The following CDH12 variants were observed in gnomAD, a reference collection of about 807,000 sequenced individuals.
CDH12 encodes cadherin 12.
Under a neutral mutation model 74.1 loss-of-function variants are expected in CDH12, and 41 were observed. The observed-to-expected ratio is 0.55, with a 90% CI of 0.43 to 0.72. The LOEUF (loss-of-function observed/expected upper bound fraction) is 0.72, where lower values mean the gene tolerates loss of function less well. CDH12 is among the 30% of genes least tolerant of loss of function. CDH12 has a pLI of 0.00. For missense variants in CDH12, 945 were observed against 977.2 expected (o/e 0.97, Z 0.44); for synonymous variants, 399 against 355.0 (o/e 1.12, Z -1.39).
intron 1 of CDH12, among the ~76,000 whole-genome samples, chr5:22,585,014 C>T (rs1053498620): frequency 6.6e-6 from 1 of 152,188 alleles, no homozygotes; most frequent in African/African-American, 2.4e-5. Flanking sequence ...AGTTCAGTTA[C>T]ATTTATCACT....
intron 1 of CDH12, among the ~76,000 whole-genome samples, chr5:22,730,488 A>G (rs1426884516): frequency 6.6e-6 from 1 of 151,872 alleles, no homozygotes; most frequent in African/African-American, 2.4e-5. Context: ...AGCAGATATC[A>G]TTGCAGCTTT....
intron 2 of CDH12, among the ~76,000 whole-genome samples, chr5:22,405,844 G>T (rs1742916734): frequency 6.6e-6 from 1 of 152,076 alleles, no homozygotes; most frequent in African/African-American, 2.4e-5. Flanking sequence ...AGATGTTCAA[G>T]TTCCTAATAT....
chr5:22,335,702 T>C (rs1416318734), intron 3 of CDH12, among the ~76,000 whole-genome samples: 4 of 152,182 alleles, frequency 2.6e-5, no homozygotes, highest in Non-Finnish European at 5.9e-5. Context: ...ACCATGTTTG[T>C]GAGGCCTCCC....
intron 8 of CDH12, among the ~76,000 whole-genome samples, chr5:21,838,376 G>A (rs1561230268): frequency 6.6e-6 from 1 of 151,968 alleles, no homozygotes; most frequent in Non-Finnish European, 1.5e-5. Flanking sequence ...CCTGACCAAC[G>A]TGGTGAAACC....
chr5:22,597,150 A>C (rs1216272791), intron 1 of CDH12, among the ~76,000 whole-genome samples: 1 of 152,138 alleles, frequency 6.6e-6, no homozygotes, highest in Non-Finnish European at 1.5e-5. Flanking sequence ...AAAAACTTAC[A>C]TATCCAGCAA....
chr5:21,994,153 C>G (rs188634155), intron 5 of CDH12, among the ~76,000 whole-genome samples: 1,615 of 151,534 alleles, frequency 0.011, 17 homozygotes, highest in Non-Finnish European at 0.018. Context: ...TTAGGTCTGG[C>G]CAATAATCAT....
chr5:22,389,621 C>G (rs1185995987), intron 3 of CDH12, among the ~76,000 whole-genome samples: 6 of 150,904 alleles, frequency 4.0e-5, no homozygotes, highest in Admixed American at 6.6e-5. Flanking sequence ...AGAATACAGA[C>G]ATACATTTTA....
chr5:22,705,889 C>T (rs1742983066), intron 1 of CDH12, among the ~76,000 whole-genome samples: 1 of 151,250 alleles, frequency 6.6e-6, no homozygotes, highest in Non-Finnish European at 1.5e-5. Flanking sequence ...TATACAAATG[C>T]TATATATATA....
At chr5:22,023,416 T>G (rs1262897659) in intron 5 of CDH12, among the ~76,000 whole-genome samples, 1 of 152,188 alleles carries the variant, frequency 6.6e-6, no homozygotes, top group South Asian at 2.1e-4. Context: ...GCAAACATGT[T>G]GCTCATTTTT....
At chr5:22,342,450 T>G (rs1483611386) in intron 3 of CDH12, among the ~76,000 whole-genome samples, 1 of 152,062 alleles carries the variant, frequency 6.6e-6, no homozygotes, top group Non-Finnish European at 1.5e-5. Context: ...TTCAGCAAAG[T>G]CTATTACCAT....
At chr5:22,338,822 C>G (rs1739712975) in intron 3 of CDH12, among the ~76,000 whole-genome samples, 1 of 152,180 alleles carries the variant, frequency 6.6e-6, no homozygotes, top group African/African-American at 2.4e-5. Flanking sequence ...TGGAAATTAA[C>G]TTGTTGGCTT....
At chr5:22,261,177 G>A (rs932741530) in intron 3 of CDH12, among the ~76,000 whole-genome samples, 1 of 151,334 alleles carries the variant, frequency 6.6e-6, no homozygotes, top group South Asian at 2.1e-4. Context: ...ACATTCTACA[G>A]AAATTTTTTT....
Position 22,116,590 on chromosome 5 carries a change from G to A in CDH12, c.-186-37728C>T, listed in dbSNP as rs372916920. 2.6e-5 allele frequency among the ~76,000 whole-genome samples: 4 copies of A among 151,250 alleles called. No homozygotes were observed. In the East Asian group the frequency reaches 7.8e-4, roughly 30 times the overall value. ...AATGCACTCCAGCCTGGGTGACAGA[G>A]CAAGACTCTGTTTCAAAGAAAAAAA... On this transcript the variant is annotated intron_variant, in intron 4 of 14. Transcript: ENST00000382254.
intron 6 of CDH12, among the ~76,000 whole-genome samples, chr5:21,925,120 G>A (rs180862608): frequency 6.6e-6 from 1 of 152,188 alleles, no homozygotes; most frequent in Non-Finnish European, 1.5e-5. Context: ...GCAAAGATGG[G>A]AAGATCAAAT....
chr5:22,102,976 G>T (rs1744234172), intron 4 of CDH12, among the ~76,000 whole-genome samples: 1 of 150,888 alleles, frequency 6.6e-6, no homozygotes, highest in Non-Finnish European at 1.5e-5. Context: ...GAACAGGCAC[G>T]CATCTACACT....
intron 3 of CDH12, among the ~76,000 whole-genome samples, chr5:22,216,493 G>C (rs951471059): frequency 4.0e-5 from 6 of 151,888 alleles, no homozygotes; most frequent in Admixed American, 1.3e-4. Context: ...AACAGACCTT[G>C]AAAAATTACT....
At chr5:22,030,346 G>A (rs189849200) in intron 5 of CDH12, among the ~76,000 whole-genome samples, 82 of 152,280 alleles carry the variant, frequency 5.4e-4, no homozygotes, top group African/African-American at 1.9e-3. Flanking sequence ...TGCATGGACT[G>A]CAGAATGAAT....
intron 3 of CDH12, among the ~76,000 whole-genome samples, chr5:22,327,428 CTGTGTGTGTGTGTG>C (rs71609761): frequency 2.0e-4 from 21 of 103,344 alleles, no homozygotes; most frequent in Admixed American, 4.2e-4. Context: ...ATTTGTGCCT[CTGTGTGTGTGTGTG>C]TGTGTGTGTG....
At chr5:22,589,157 G>A (rs901291675) in intron 1 of CDH12, among the ~76,000 whole-genome samples, 2 of 152,112 alleles carry the variant, frequency 1.3e-5, no homozygotes, top group African/African-American at 4.8e-5. Context: ...CATGAGCAGA[G>A]GCTTGATGAT....
Sources: allele counts gnomAD v4.1 joint callset (sites outside exome capture counted in the v4.1 genomes callset), GRCh38; gene constraint gnomAD v4.1.1; transcripts MANE v1.5; gene names NCBI Gene and HGNC (gene_info 2026-07-23, HGNC 2026-07-21).